AFF2: variants seen among roughly 807,000 people sequenced by gnomAD.
AFF2 encodes the protein ALF transcription elongation factor 2, also known as AF4/FMR2 family member 2.
Under a neutral mutation model 76.9 loss-of-function variants are expected in AFF2, and 14 were observed. The ratio of observed to expected loss-of-function variants is 0.18; its 90% CI spans 0.12 to 0.28. The LOEUF (loss-of-function observed/expected upper bound fraction) is 0.28, where lower values mean the gene tolerates loss of function less well. Among genes scored for constraint, AFF2 ranks in the 10% least tolerant of loss-of-function variants. AFF2 has a pLI of 1.00. For missense variants in AFF2, 868 were observed against 1,001.1 expected, an observed-to-expected ratio of 0.87 and a Z score of 1.79; for synonymous variants, 398 against 366.7, an observed-to-expected ratio of 1.09 and a Z score of -0.98.
intron 1 of AFF2, among the ~76,000 whole-genome samples, chrX:148,585,733 C>G (rs1292971169): frequency 9.4e-6 from 1 of 106,813 alleles, no homozygotes; most frequent in African/African-American, 3.4e-5. Context: ...CCCAGCTGCT[C>G]GGGAGGCTGA....
At position 148,872,862 on chromosome X, in the gene AFF2, G is replaced by C. The variant is rs914092510; in HGVS notation, c.1263-13027G>C. The stretch of plus-strand genomic sequence containing the variant: ...CTAATCCCATCATGAGTATTCAACC[G>C]TTATGACCCAGTCACCTCCCAAAGA... On this transcript the variant is annotated intron_variant, in intron 7 of 20. Coordinates refer to ENST00000370460, the MANE Select transcript of AFF2 (RefSeq NM_002025.4). Among the ~76,000 whole-genome samples, 4 of 111,398 alleles carry C rather than the reference G, an allele frequency of 3.6e-5. No homozygotes were observed. In the South Asian group the frequency reaches 1.5e-3, roughly 42 times the overall value.
intron 19 of AFF2, 91 bp downstream of exon 19, chrX:148,980,881 A>G: frequency 3.1e-6 from 2 of 642,941 alleles, no homozygotes; most frequent in Non-Finnish European, 4.8e-6. Flanking sequence ...AGTGAAGGTC[A>G]ATTCTAGAAC....
At chrX:148,625,777 C>T (rs977519135) in intron 1 of AFF2, among the ~76,000 whole-genome samples, 2 of 111,507 alleles carry the variant, frequency 1.8e-5, no homozygotes, top group Non-Finnish European at 3.8e-5. Context: ...ATTTAAGCAC[C>T]AAAGACTGTT....
chrX:148,561,563 C>T (rs1174613142), intron 1 of AFF2, among the ~76,000 whole-genome samples: 6 of 111,456 alleles, frequency 5.4e-5, no homozygotes, highest in African/African-American at 9.8e-5. Flanking sequence ...GGTCCTTATC[C>T]GGGTCCCTGC....
At chrX:148,700,364 T>A (rs997983826) in intron 3 of AFF2, among the ~76,000 whole-genome samples, 3 of 108,614 alleles carry the variant, frequency 2.8e-5, no homozygotes, top group Admixed American at 1.0e-4. Context: ...GTGGTGGAGT[T>A]ACCCAAGGGA....
At chrX:148,665,664 T>C (rs781822522) in intron 3 of AFF2, among the ~76,000 whole-genome samples, 2 of 111,649 alleles carry the variant, frequency 1.8e-5, no homozygotes, top group Non-Finnish European at 3.8e-5. Flanking sequence ...GCTTTGAACC[T>C]AATGGAATTT....
intron 1 of AFF2, among the ~76,000 whole-genome samples, chrX:148,580,213 A>G (rs961037349): frequency 8.1e-5 from 9 of 111,197 alleles, no homozygotes; most frequent in African/African-American, 2.9e-4. Flanking sequence ...CTTTTTGCCC[A>G]GTGCCTCCTA....
Position 148,873,717 on chromosome X carries a change from G to C in AFF2, c.1263-12172G>C, listed in dbSNP as rs184968505. Among the ~76,000 whole-genome samples the C allele has an allele frequency of 2.5e-3, 280 of 110,948 alleles. 1 individual carries two copies. Among genetic ancestry groups the C allele is most frequent in the African/African-American group, 8.7e-3 (267 of 30,552 alleles). ...GCACACATTAAGCTTACCTCAATAA[G>C]TCTTAGTTATTATTAGCTAGTATTG... On this transcript the variant is annotated intron_variant, in intron 7 of 20. Transcript: ENST00000370460.
intron 1 of AFF2, among the ~76,000 whole-genome samples, chrX:148,521,372 A>G (rs1008528429): frequency 1.1e-5 from 1 of 88,244 alleles, no homozygotes; most frequent in African/African-American, 4.4e-5. Context: ...AAGCACGTGC[A>G]TGCACACACA....
intron 3 of AFF2, among the ~76,000 whole-genome samples, chrX:148,746,719 A>G (rs2055425246): frequency 8.9e-6 from 1 of 112,773 alleles, no homozygotes; most frequent in Admixed American, 9.4e-5. Flanking sequence ...TAAGTAAATA[A>G]GCAGTGATGA....
chrX:148,680,092 A>C (rs1346711733), intron 3 of AFF2, among the ~76,000 whole-genome samples: 1 of 112,171 alleles, frequency 8.9e-6, no homozygotes, highest in Non-Finnish European at 1.9e-5. Context: ...TGTCAAGGTA[A>C]GGTTGACAGT....
At chrX:148,900,017 GACATGTCTATTTAT>G (rs2071337374) in intron 8 of AFF2, among the ~76,000 whole-genome samples, 1 of 109,943 alleles carries the variant, frequency 9.1e-6, no homozygotes, top group South Asian at 3.9e-4. Flanking sequence ...TAGTCCAATA[GACATGTCTATTTAT>G]ACATGTCTAT....
chrX:148,752,138 G>A (rs782198110), intron 3 of AFF2, among the ~76,000 whole-genome samples: 6 of 111,557 alleles, frequency 5.4e-5, no homozygotes, highest in African/African-American at 9.8e-5. Flanking sequence ...TATTGAGGGT[G>A]AGGATTTCAA....
At chrX:148,825,590 G>GGT (rs1557272910) in intron 4 of AFF2, among the ~76,000 whole-genome samples, 1 of 99,743 alleles carries the variant, frequency 1.0e-5, no homozygotes, top group African/African-American at 3.6e-5. Context: ...TAATAGAGTA[G>GGT]TTTTTTTTTT....
intron 3 of AFF2, among the ~76,000 whole-genome samples, chrX:148,755,895 G>T (rs2055556240): frequency 8.9e-6 from 1 of 111,862 alleles, no homozygotes; most frequent in Admixed American, 9.5e-5. Flanking sequence ...TAGTGGGGCA[G>T]AACAACTGAA....
intron 1 of AFF2, among the ~76,000 whole-genome samples, chrX:148,520,211 T>C (rs1557234314): frequency 8.9e-6 from 1 of 112,099 alleles, no homozygotes; most frequent in Non-Finnish European, 1.9e-5. Context: ...GAGACCCCTG[T>C]GTATTTGGAA....
intron 7 of AFF2, among the ~76,000 whole-genome samples, chrX:148,852,088 G>A (rs1465794163): frequency 2.7e-5 from 3 of 111,476 alleles, no homozygotes; most frequent in Non-Finnish European, 5.6e-5. Flanking sequence ...AGCATTCCAT[G>A]GGATATATGT....
At position 148,707,956 on chromosome X, in the gene AFF2, A is replaced by G. The variant is rs1410044184; in HGVS notation, c.1041+45188A>G. ...GGTAATGTTAGAGGACAGAACTGCA[A>G]ATGATTCATCACAAATATAAAATAA... is the stretch of plus-strand genomic sequence containing the variant. On this transcript the variant is annotated intron_variant, in intron 3 of 20. Coordinates refer to ENST00000370460, the MANE Select transcript of AFF2 (RefSeq NM_002025.4). Among the ~76,000 whole-genome samples, 4 of 112,025 alleles carry G rather than the reference A, an allele frequency of 3.6e-5. No individual in the cohort carries two copies. The East Asian group carries it at 1.1e-3, about 31-fold the overall frequency.
rs140819548 is a variant in AFF2, at chrX:148,917,854, C to T, written c.1397+13596C>T. ...TCTCAGTGATGGGGTAAAAATATCCCTCTCTTAATATTGAAGTGTACAAAA... is the reference window on the plus strand; with the variant it reads ...TCTCAGTGATGGGGTAAAAATATCCTTCTCTTAATATTGAAGTGTACAAAA... On this transcript the variant is annotated intron_variant, in intron 9 of 20. Coordinates refer to ENST00000370460, the MANE Select transcript of AFF2 (RefSeq NM_002025.4). 3.9e-3 allele frequency among the ~76,000 whole-genome samples: 441 copies of T among 112,113 alleles called. 2 individuals are homozygous for T. The highest frequency in any genetic ancestry group is 0.013 in the African/African-American group (412 of 30,744).
Sources: allele counts gnomAD v4.1 joint callset (sites outside exome capture counted in the v4.1 genomes callset), GRCh38; gene constraint gnomAD v4.1.1; transcripts MANE v1.5; gene names NCBI Gene and HGNC (gene_info 2026-07-23, HGNC 2026-07-21).